PBX4: variants seen among roughly 807,000 people sequenced by gnomAD.
The protein encoded by PBX4 is PBX homeobox 4, also known as pre-B-cell leukemia transcription factor 4.
PBX4 carries 26 observed loss-of-function variants against 35.1 expected under a neutral mutation model. That is an observed-to-expected ratio of 0.74 (90% CI 0.54 to 1.03). The LOEUF is 1.03. PBX4 is among the 50% of genes least tolerant of loss of function. PBX4 has a pLI of 0.00. For synonymous variants in PBX4, 199 were observed against 204.2 expected, an observed-to-expected ratio of 0.97 and a Z score of 0.22; for missense variants, 448 against 504.3, an observed-to-expected ratio of 0.89 and a Z score of 1.07.
intron 1 of PBX4, among the ~76,000 whole-genome samples, chr19:19,600,894 A>G (rs139694972): frequency 0.015 from 2,262 of 152,206 alleles, 77 homozygotes; most frequent in South Asian, 0.076. Context: ...CTGTGTTCAC[A>G]CTATGGTCCT....
At chr19:19,567,429 G>C (rs1368984499) in intron 5 of PBX4, among the ~76,000 whole-genome samples, 2 of 152,314 alleles carry the variant, frequency 1.3e-5, no homozygotes, top group African/African-American at 4.8e-5. Flanking sequence ...AGCAGAGCAT[G>C]GTGGTGAAGG....
rs2061586215 is a variant in PBX4 at position 19,599,909 on chromosome 19, GTT to G, written c.120-546_120-545del. ...AATTGCTTAGACCCGGGAGGCAGAG[GTT>G]GCAGTGAGCCGAGATCAGGCCACTG... On this transcript the variant is annotated intron_variant, in intron 1 of 7. Coordinates refer to ENST00000251203, the MANE Select transcript of PBX4 (RefSeq NM_025245.3). Among the ~76,000 whole-genome samples the G allele has an allele frequency of 2.0e-5, 3 of 150,940 alleles. No homozygotes were observed. In the South Asian group the frequency reaches 6.3e-4, roughly 32 times the overall value.
rs754573039 is a variant in PBX4, at chr19:19,563,688, C to T, written c.926-73G>A. The T allele has an allele frequency of 6.0e-5, 78 of 1,294,478 alleles. No individual in the cohort carries two copies. The highest frequency in any genetic ancestry group is 5.9e-5 in the African/African-American group (4 of 67,748). The allele number at this position is 1,294,478 out of a possible 1,614,324, so 80.2% of individuals were successfully genotyped here. A position where few individuals can be genotyped will look rare whatever the true frequency, so the allele number is the denominator to read the frequency against. On this transcript the variant is annotated intron_variant, in intron 6 of 7. Transcript: ENST00000251203. This position sits in a 1 kb window ranked among gnomAD's most constrained non-coding sequence, Gnocchi z 5.1. ...GGTGGAACCCACCCAGCCCCTCAGC[C>T]GGCAGGAGGCCTCGAATGTGGCTCC...
chr19:19,603,301 T>C (rs900337698), intron 1 of PBX4, among the ~76,000 whole-genome samples: 1 of 152,034 alleles, frequency 6.6e-6, no homozygotes, highest in Non-Finnish European at 1.5e-5. Context: ...CAAAGGGGTT[T>C]TTTTTCTTTT....
chr19:19,589,138 G>A (rs1365342113), intron 2 of PBX4, among the ~76,000 whole-genome samples: 2 of 152,012 alleles, frequency 1.3e-5, no homozygotes, highest in African/African-American at 2.4e-5. Flanking sequence ...AAAAAAGAAC[G>A]TAAAAAGAGG....
chr19:19,605,416 A>AAAAAATAAT (rs549207456), intron 1 of PBX4, among the ~76,000 whole-genome samples: 1 of 139,366 alleles, frequency 7.2e-6, no homozygotes, highest in African/African-American at 2.6e-5. Flanking sequence ...CTCTGTCTCA[A>AAAAAATAAT]AATAATAATA....
intron 1 of PBX4, among the ~76,000 whole-genome samples, chr19:19,604,466 C>CAAAA (rs753893364): frequency 6.9e-5 from 5 of 72,102 alleles, no homozygotes; most frequent in African/African-American, 1.3e-4. Context: ...GATTCCATCT[C>CAAAA]AAAAAAAAAA....
chr19:19,565,222 A>C, intron 5 of PBX4, 133 bp from the exon 6 acceptor site: 1 of 1,115,598 alleles, frequency 9.0e-7, no homozygotes. Flanking sequence ...GGCTATGAAG[A>C]GTCTGGGACT....
intron 4 of PBX4, 108 bp downstream of exon 4, chr19:19,570,001 G>C: frequency 8.4e-7 from 1 of 1,186,520 alleles, no homozygotes; most frequent in Non-Finnish European, 1.1e-6. Flanking sequence ...GCCTCCAACC[G>C]TGACTGCAGA....
chr19:19,615,037 C>T (rs917878706), intron 1 of PBX4, among the ~76,000 whole-genome samples: 23 of 151,332 alleles, frequency 1.5e-4, no homozygotes, highest in Admixed American at 1.3e-3. Flanking sequence ...TAGTGGCACA[C>T]GCCTGTAATC....
chr19:19,586,808 G>A (rs1444903603), intron 2 of PBX4, among the ~76,000 whole-genome samples: 4 of 151,796 alleles, frequency 2.6e-5, no homozygotes, highest in South Asian at 2.1e-4. Flanking sequence ...GCATGCACCT[G>A]TAGTCCCAGC....
chr19:19,599,083 C>T (rs569596271), intron 2 of PBX4, among the ~76,000 whole-genome samples: 18 of 152,170 alleles, frequency 1.2e-4, no homozygotes, highest in East Asian at 1.2e-3. Context: ...ATTCTCCTAC[C>T]TTAGCCCCCC....
At chr19:19,595,158 A>C (rs1025911778) in intron 2 of PBX4, among the ~76,000 whole-genome samples, 1 of 152,344 alleles carries the variant, frequency 6.6e-6, no homozygotes, top group Middle Eastern at 3.4e-3. Context: ...GCAAGGGACA[A>C]CTTGGGCTGC....
rs559031871 is a variant in PBX4 at position 19,586,287 on chromosome 19, T to A, written c.193+13005A>T. ...AATTAGCCGGATATGGTGGCTTCTATCTGTAGTCTCAGCTACTTGAGAGGC... is the reference window on the plus strand; with the variant it reads ...AATTAGCCGGATATGGTGGCTTCTAACTGTAGTCTCAGCTACTTGAGAGGC... On this transcript the variant is annotated intron_variant, in intron 2 of 7. Transcript: ENST00000251203. Among the ~76,000 whole-genome samples the A allele has an allele frequency of 4.9e-4, 74 of 151,918 alleles. 1 individual carries two copies. The highest frequency in any genetic ancestry group is 9.9e-4 in the Non-Finnish European group (67 of 67,992).
In PBX4 at chr19:19,618,507, G is replaced by C; in HGVS notation, c.119+4C>G. 2 of 1,480,244 alleles carry C rather than the reference G, an allele frequency of 1.4e-6. No individual in the cohort carries two copies. The highest frequency in any genetic ancestry group is 2.6e-5 in the South Asian group (2 of 75,612). 91.7% of individuals were successfully genotyped at this position (1,480,244 alleles called of 1,614,324 possible). Reference sequence around the variant, plus strand: ...GTGGCCCCTGCCGAGCCCGCGGGCAGCACCTGGCCTGTGCCTCGTCCAGGC... The same window carrying C: ...GTGGCCCCTGCCGAGCCCGCGGGCACCACCTGGCCTGTGCCTCGTCCAGGC... On this transcript the variant is annotated splice_donor_region_variant and intron_variant, in intron 1 of 7. Coordinates refer to ENST00000251203, the MANE Select transcript of PBX4 (RefSeq NM_025245.3).
intron 1 of PBX4, among the ~76,000 whole-genome samples, chr19:19,611,508 G>A (rs1177449076): frequency 2.0e-5 from 3 of 151,650 alleles, no homozygotes; most frequent in African/African-American, 4.8e-5. Context: ...GTGAAACCCC[G>A]TCTCTACTAA....
chr19:19,575,236 CA>C (rs34956246), intron 2 of PBX4, among the ~76,000 whole-genome samples: 2,493 of 93,644 alleles, frequency 0.027, 51 homozygotes, highest in South Asian at 0.16. Flanking sequence ...GACTCTGTCT[CA>C]AAAAAAAAAA....
At chr19:19,591,302 C>T (rs2061526323) in intron 2 of PBX4, among the ~76,000 whole-genome samples, 1 of 152,206 alleles carries the variant, frequency 6.6e-6, no homozygotes, top group Non-Finnish European at 1.5e-5. Flanking sequence ...CCCCAGCTTC[C>T]TGGCTGAATT....
At position 19,609,641 on chromosome 19, in the gene PBX4, G is replaced by A. The variant is rs192854966; in HGVS notation, c.119+8870C>T. Among the ~76,000 whole-genome samples, 85 of 151,198 alleles carry A rather than the reference G, an allele frequency of 5.6e-4. 1 individual carries two copies. The highest frequency in any genetic ancestry group is 2.0e-3 in the African/African-American group (81 of 41,130). ...CGAGGAGGGCAGATCACGAGCTCAG[G>A]AGATCGAGACCATCCTGGCTCACAC... On this transcript the variant is annotated intron_variant, in intron 1 of 7. Transcript: ENST00000251203.
Sources: gnomAD v4.1 joint callset for allele counts (sites outside exome capture counted in the v4.1 genomes callset) on GRCh38, gnomAD v4.1.1 for gene constraint, Gnocchi (gnomAD v3.1) non-coding constraint, MANE v1.5 for transcripts, NCBI Gene and HGNC (gene_info 2026-07-23, HGNC 2026-07-21) for gene names.